The following TAFA2 variants were observed in gnomAD, a reference collection of about 807,000 sequenced individuals.
TAFA2 encodes chemokine-like protein TAFA-2.
TAFA2 carries 7 observed loss-of-function variants against 18.8 expected under a neutral mutation model. The observed-to-expected ratio is 0.37, with a 90% confidence interval of 0.21 to 0.70. The LOEUF is 0.70. Among genes scored for constraint, TAFA2 ranks in the 30% least tolerant of loss-of-function variants. The pLI is 0.53. For synonymous variants in TAFA2, 60 were observed against 54.2 expected, an observed-to-expected ratio of 1.11 and a Z score of -0.47; for missense variants, 122 against 158.1, an observed-to-expected ratio of 0.77 and a Z score of 1.23.
chr12:62,040,111 C>T (rs992347235), intron 1 of TAFA2, among the ~76,000 whole-genome samples: 1 of 152,132 alleles, frequency 6.6e-6, no homozygotes, highest in Non-Finnish European at 1.5e-5. Flanking sequence ...GTGATGTCTA[C>T]ATTGCTAAAC....
intron 1 of TAFA2, chr12:62,105,008 T>C: frequency 5.3e-6 from 1 of 188,964 alleles, no homozygotes. Context: ...AAAGTACTTA[T>C]AATTACAAGT....
At chr12:62,099,228 A>G (rs1208047472) in intron 1 of TAFA2, among the ~76,000 whole-genome samples, 1 of 152,136 alleles carries the variant, frequency 6.6e-6, no homozygotes, top group Non-Finnish European at 1.5e-5. Context: ...CCAAATCAAT[A>G]TGATATATAA....
At chr12:62,217,992 A>C (rs1054435846) in intron 1 of TAFA2, among the ~76,000 whole-genome samples, 23 of 149,854 alleles carry the variant, frequency 1.5e-4, no homozygotes, top group African/African-American at 5.7e-4. Flanking sequence ...TTATTTATTT[A>C]TTTATTTATT....
intron 1 of TAFA2, among the ~76,000 whole-genome samples, chr12:62,085,166 G>A (rs903242343): frequency 6.6e-6 from 1 of 152,102 alleles, no homozygotes; most frequent in African/African-American, 2.4e-5. Flanking sequence ...AAAAAGGACT[G>A]GATTTCTTCA....
intron 1 of TAFA2, among the ~76,000 whole-genome samples, chr12:61,885,154 G>T (rs1242529558): frequency 6.6e-6 from 1 of 152,166 alleles, no homozygotes; most frequent in Non-Finnish European, 1.5e-5. Context: ...GAGGGATGAA[G>T]TGACTTGCTC....
chr12:61,858,406 G>GA (rs756528786), intron 2 of TAFA2, among the ~76,000 whole-genome samples: 9 of 151,510 alleles, frequency 5.9e-5, no homozygotes, highest in Non-Finnish European at 1.2e-4. Context: ...ACTAAATATT[G>GA]AAAAAAATAT....
At chr12:62,005,219 C>T (rs976591385) in intron 1 of TAFA2, among the ~76,000 whole-genome samples, 2 of 151,990 alleles carry the variant, frequency 1.3e-5, no homozygotes, top group African/African-American at 4.8e-5. Context: ...GAGGTGACGG[C>T]AGTGTTTATT....
chr12:62,076,186 C>T (rs1340087001), intron 1 of TAFA2, among the ~76,000 whole-genome samples: 1 of 152,088 alleles, frequency 6.6e-6, no homozygotes, highest in African/African-American at 2.4e-5. Flanking sequence ...GATCAGTCTT[C>T]CCTACTTCTT....
intron 1 of TAFA2, among the ~76,000 whole-genome samples, chr12:61,882,776 G>C (rs1439974781): frequency 6.6e-6 from 1 of 152,110 alleles, no homozygotes; most frequent in Admixed American, 6.6e-5. Flanking sequence ...AAAGAATGCA[G>C]GATTTGGAGT....
At chr12:62,135,319 C>T (rs1391980717) in intron 1 of TAFA2, among the ~76,000 whole-genome samples, 2 of 152,080 alleles carry the variant, frequency 1.3e-5, no homozygotes, top group Non-Finnish European at 2.9e-5. Flanking sequence ...ACATTCTTAA[C>T]AAAATCTGAC....
chr12:62,088,383 G>A (rs887588118), intron 1 of TAFA2, among the ~76,000 whole-genome samples: 47 of 151,962 alleles, frequency 3.1e-4, no homozygotes, highest in African/African-American at 9.2e-4. Context: ...AAATACAAGA[G>A]AAAAGGAGCA....
intron 1 of TAFA2, among the ~76,000 whole-genome samples, chr12:62,024,297 A>G (rs1476073701): frequency 6.6e-6 from 1 of 152,174 alleles, no homozygotes; most frequent in Admixed American, 6.5e-5. Flanking sequence ...TTAATAGAAA[A>G]TGAACTCTCA....
chr12:61,762,743 A>G (rs969219255), intron 2 of TAFA2, among the ~76,000 whole-genome samples: 12 of 151,778 alleles, frequency 7.9e-5, no homozygotes, highest in African/African-American at 2.9e-4. Flanking sequence ...TTTAGCGTCA[A>G]GTTGTGAATT....
At chr12:61,955,630 AAAATATATATATATATATATATATAT>A (rs1221811454) in intron 1 of TAFA2, among the ~76,000 whole-genome samples, 307 of 14,848 alleles carry the variant, frequency 0.021, 2 homozygotes, top group South Asian at 0.054. Context: ...AAAAAAAAAA[AAAATATATATATATATATATATATAT>A]ATATATATAT....
chr12:62,154,573 TAA>T (rs1265736515), intron 1 of TAFA2, among the ~76,000 whole-genome samples: 9 of 152,204 alleles, frequency 5.9e-5, no homozygotes, highest in African/African-American at 2.2e-4. Flanking sequence ...TAAAGAATTA[TAA>T]GAGATAATAT....
chr12:62,045,939 A>T (rs926946057), intron 1 of TAFA2, among the ~76,000 whole-genome samples: 4 of 152,152 alleles, frequency 2.6e-5, no homozygotes, highest in Non-Finnish European at 5.9e-5. Context: ...AGAGCAAGAG[A>T]TCTGAGAGCT....
At chr12:61,720,219 T>C (rs554675450) in intron 4 of TAFA2, among the ~76,000 whole-genome samples, 75 of 152,292 alleles carry the variant, frequency 4.9e-4, no homozygotes, top group African/African-American at 1.6e-3. Context: ...AATTTAAATA[T>C]ATAAAGAATG....
intron 2 of TAFA2, among the ~76,000 whole-genome samples, chr12:61,801,738 C>A (rs1871405723): frequency 6.6e-6 from 1 of 151,968 alleles, no homozygotes; most frequent in South Asian, 2.1e-4. Context: ...CCACAGGCAA[C>A]ATAAGCAAAA....
At chr12:61,918,488 C>T (rs1173076246) in intron 1 of TAFA2, among the ~76,000 whole-genome samples, 1 of 152,092 alleles carries the variant, frequency 6.6e-6, no homozygotes, top group Admixed American at 6.6e-5. Flanking sequence ...ATGACAGGAT[C>T]TCATTATTTC....
Sources: allele counts gnomAD v4.1 joint callset (sites outside exome capture counted in the v4.1 genomes callset), GRCh38; gene constraint gnomAD v4.1.1; transcripts MANE v1.5; gene names NCBI Gene and HGNC (gene_info 2026-07-23, HGNC 2026-07-21).